The following ABCC1 variants were observed in gnomAD, a reference collection of about 807,000 sequenced individuals.
ABCC1 encodes the protein ATP binding cassette subfamily C member 1 (ABCC1 blood group), also known as multidrug resistance-associated protein 1.
ABCC1 carries 83 observed loss-of-function variants against 172.9 expected under a neutral mutation model. The ratio of observed to expected loss-of-function variants is 0.48; its 90% confidence interval spans 0.40 to 0.58. The LOEUF (loss-of-function observed/expected upper bound fraction) is 0.58, where lower values mean the gene tolerates loss of function less well. ABCC1 is among the 20% of genes least tolerant of loss of function. ABCC1 has a pLI of 0.00. For synonymous variants in ABCC1, 937 were observed against 825.2 expected, an observed-to-expected ratio of 1.14 and a Z score of -2.32; for missense variants, 1,817 against 2,002.7, an observed-to-expected ratio of 0.91 and a Z score of 1.77.
intron 1 of ABCC1, among the ~76,000 whole-genome samples, chr16:15,966,230 T>C (rs1395879614): frequency 6.6e-6 from 1 of 151,676 alleles, no homozygotes; most frequent in African/African-American, 2.4e-5. Context: ...ATGACCAACA[T>C]GGTGAAACCC....
intron 1 of ABCC1, among the ~76,000 whole-genome samples, chr16:15,966,194 C>T (rs959361351): frequency 2.6e-5 from 4 of 151,970 alleles, no homozygotes; most frequent in African/African-American, 9.7e-5. Context: ...GTGGGCGGAT[C>T]ACGAGGTCAG....
At chr16:16,035,629 T>A (rs2048724908) in intron 6 of ABCC1, among the ~76,000 whole-genome samples, 1 of 151,684 alleles carries the variant, frequency 6.6e-6, no homozygotes, top group Non-Finnish European at 1.5e-5. Context: ...TAGCTGGGAC[T>A]ACAGGTGCGA....
At chr16:16,027,469 T>C (rs1362292005) in intron 5 of ABCC1, among the ~76,000 whole-genome samples, 1 of 149,754 alleles carries the variant, frequency 6.7e-6, no homozygotes, top group Non-Finnish European at 1.5e-5. Context: ...CCCACTGGGG[T>C]TTTTTCCCCC....
intron 11 of ABCC1, among the ~76,000 whole-genome samples, chr16:16,053,244 C>G (rs1299974513): frequency 6.6e-6 from 1 of 152,012 alleles, no homozygotes; most frequent in African/African-American, 2.4e-5. Flanking sequence ...CTTATTAGCT[C>G]TTACCTTATA....
At chr16:16,116,561 T>C (rs2044879480) in intron 23 of ABCC1, among the ~76,000 whole-genome samples, 1 of 152,054 alleles carries the variant, frequency 6.6e-6, no homozygotes, top group Non-Finnish European at 1.5e-5. Context: ...AGAGGCGTTA[T>C]TTTTATTACT....
chr16:16,141,161 C>G lies in ABCC1; in HGVS notation c.4488-12C>G, dbSNP rs780124765. 2 of 1,612,804 alleles carry G rather than the reference C, an allele frequency of 1.2e-6. No homozygotes were observed. The highest frequency in any genetic ancestry group is 2.2e-5 in the South Asian group (2 of 91,048). ...TCCCCTTCCCCTCATGTCTGTATCC[C>G]CTCTCCCTCAGGGTGATCGTCTTGG... On this transcript the variant is annotated splice_polypyrimidine_tract_variant and intron_variant, in intron 30 of 30. Coordinates refer to ENST00000399410, the MANE Select transcript of ABCC1 (RefSeq NM_004996.4).
At chr16:15,959,766 G>A (rs2046088118) in intron 1 of ABCC1, among the ~76,000 whole-genome samples, 1 of 152,212 alleles carries the variant, frequency 6.6e-6, no homozygotes. Context: ...TCCTGGGGAG[G>A]TTGCCAGGTT....
chr16:16,092,569 G>A (rs1185036234), intron 19 of ABCC1, among the ~76,000 whole-genome samples: 3 of 152,286 alleles, frequency 2.0e-5, no homozygotes, highest in Admixed American at 6.5e-5. Context: ...CTTTTATTGC[G>A]GAATAATATG....
At chr16:16,140,223 CAGAA>C (rs2046076855) in intron 30 of ABCC1, among the ~76,000 whole-genome samples, 1 of 152,102 alleles carries the variant, frequency 6.6e-6, no homozygotes, top group African/African-American at 2.4e-5. Flanking sequence ...GAGATTAGGC[CAGAA>C]AGGTAGGCAG....
chr16:15,973,275 A>G (rs546245846), intron 1 of ABCC1, among the ~76,000 whole-genome samples: 20 of 152,228 alleles, frequency 1.3e-4, no homozygotes, highest in Admixed American at 5.9e-4. Flanking sequence ...TAAATCGCCT[A>G]TTATCAGTGG....
chr16:16,006,103 A>G (rs1481462411), intron 1 of ABCC1, among the ~76,000 whole-genome samples: 1 of 152,218 alleles, frequency 6.6e-6, no homozygotes, highest in Non-Finnish European at 1.5e-5. Flanking sequence ...AATAACAACA[A>G]GCCATCTATG....
Position 16,141,554 on chromosome 16 carries a change from C to T in ABCC1, c.*273C>T, listed in dbSNP as rs2046127372. ...CCTGAGACAGACACACAGCCTCACG[C>T]CCCCAGGAATGCAAGTGGTTTCCTG... On this transcript the variant is annotated 3_prime_UTR_variant, in exon 31 of 31. Coordinates refer to ENST00000399410, the MANE Select transcript of ABCC1 (RefSeq NM_004996.4). The T allele has an allele frequency of 2.4e-6, 1 of 424,584 alleles. No individual in the cohort carries two copies. The highest frequency in any genetic ancestry group is 2.0e-5 in the African/African-American group (1 of 49,778). The allele number at this position is 424,584 out of a possible 1,614,324, so 26.3% of individuals were successfully genotyped here.
intron 19 of ABCC1, among the ~76,000 whole-genome samples, chr16:16,096,395 C>T (rs1296523602): frequency 6.6e-6 from 1 of 152,144 alleles, no homozygotes; most frequent in Admixed American, 6.5e-5. Flanking sequence ...TTTCTCATCT[C>T]CTGCCACCTT....
intron 20 of ABCC1, chr16:16,105,266 G>C (rs540463395): frequency 6.6e-6 from 1 of 152,216 alleles, no homozygotes; most frequent in Non-Finnish European, 1.5e-5. Flanking sequence ...ATTTTCTGTC[G>C]AGGTGTGTGG....
At chr16:16,125,682 C>T (rs1394201983) in intron 25 of ABCC1, 128 bp from the exon 26 acceptor site, 10 of 660,868 alleles carry the variant, frequency 1.5e-5, no homozygotes, top group African/African-American at 9.1e-5. Context: ...ATCTGACCGC[C>T]TCAGCCTCCC....
chr16:16,009,892 C>A lies in ABCC1; in HGVS notation c.342C>A (p.Gly114=). ...PVFLVSPTLL[G]ITMLLATFLI... is the part of the protein sequence containing the mutation. ...TTCTGGTCAGCCCAACTCTCTTGGG[C>A]ATCACCATGGTAAGTAGGAGCTGGC... The change falls in exon 3 of 31, where the codon GGC becomes GGA. Residue 114 remains glycine, a synonymous_variant. Transcript: ENST00000399410. 6.2e-7 allele frequency: 1 copy of A among 1,603,424 alleles called. No individual in the cohort carries two copies. The highest frequency in any genetic ancestry group is 8.5e-7 in the Non-Finnish European group (1 of 1,175,282).
intron 5 of ABCC1, among the ~76,000 whole-genome samples, chr16:16,031,629 C>G (rs558984830): frequency 6.6e-6 from 1 of 152,120 alleles, no homozygotes; most frequent in East Asian, 1.9e-4. Flanking sequence ...CTTCTACCAC[C>G]GGGCCTTTGC....
At chr16:16,068,470 A>G (rs567080858) in intron 13 of ABCC1, among the ~76,000 whole-genome samples, 168 bp downstream of exon 13, 1 of 152,320 alleles carries the variant, frequency 6.6e-6, no homozygotes, top group African/African-American at 2.4e-5. Flanking sequence ...GAAAGAAAGA[A>G]AACACATTTG....
chr16:16,061,112 A>G (rs1024283212), intron 12 of ABCC1, among the ~76,000 whole-genome samples: 1 of 151,796 alleles, frequency 6.6e-6, no homozygotes, highest in Non-Finnish European at 1.5e-5. Flanking sequence ...TTTAGTAGAG[A>G]TGGGGTTTAG....
Sources: gnomAD v4.1 joint callset for allele counts (sites outside exome capture counted in the v4.1 genomes callset) on GRCh38, gnomAD v4.1.1 for gene constraint, MANE v1.5 for transcripts, NCBI Gene and HGNC (gene_info 2026-07-23, HGNC 2026-07-21) for gene names.